MARCHF1: variants seen among roughly 807,000 people sequenced by gnomAD.
MARCHF1 encodes the protein E3 ubiquitin-protein ligase MARCHF1.
MARCHF1 carries 40 observed loss-of-function variants against 54.2 expected under a neutral mutation model. The observed-to-expected ratio is 0.74, with a 90% CI of 0.57 to 0.96. The LOEUF (loss-of-function observed/expected upper bound fraction) is 0.96, where lower values mean the gene tolerates loss of function less well. MARCHF1 is among the 40% of genes least tolerant of loss of function. MARCHF1 has a pLI of 0.00. For missense variants in MARCHF1, 586 were observed against 656.5 expected (o/e 0.89, Z 1.17); for synonymous variants, 236 against 236.3 (o/e 1.00, Z 0.01).
At chr4:163,989,286 T>TGAGAGAGAGA (rs35987221) in intron 2 of MARCHF1, among the ~76,000 whole-genome samples, 2 of 144,818 alleles carry the variant, frequency 1.4e-5, no homozygotes, top group Non-Finnish European at 3.0e-5. Context: ...AATGAGGTGT[T>TGAGAGAGAGA]GAGAGAGAGA....
At chr4:163,668,744 C>CA (rs1743627582) in intron 5 of MARCHF1, among the ~76,000 whole-genome samples, 2 of 152,196 alleles carry the variant, frequency 1.3e-5, no homozygotes, top group East Asian at 3.9e-4. Context: ...CTCCAAAAGG[C>CA]AAAACCAAAT....
Position 164,028,091 on chromosome 4 carries a change from G to A in MARCHF1, c.-247-39382C>T, listed in dbSNP as rs143176377. On this transcript the variant is annotated intron_variant, in intron 2 of 9. Coordinates refer to ENST00000514618, the MANE Select transcript of MARCHF1 (RefSeq NM_001394959.1). ...AAATAATAGATGCTGAGTAGACTAT[G>A]GAGAAAAGGGAATGCTTATGCAGTG... Among the ~76,000 whole-genome samples the A allele has an allele frequency of 7.0e-3, 1,068 of 152,254 alleles. 16 individuals are homozygous for A. The highest frequency in any genetic ancestry group is 0.024 in the African/African-American group (1,011 of 41,542).
intron 1 of MARCHF1, chr4:164,197,569 CT>C: frequency 6.2e-7 from 1 of 1,613,372 alleles, no homozygotes; most frequent in South Asian, 1.1e-5. Flanking sequence ...GTTGATTTTA[CT>C]TAAGAATTCC....
intron 3 of MARCHF1, among the ~76,000 whole-genome samples, chr4:163,921,677 T>A (rs1183553827): frequency 6.6e-6 from 1 of 152,154 alleles, no homozygotes; most frequent in Non-Finnish European, 1.5e-5. Flanking sequence ...AAAGGTGATA[T>A]CATAAAAAGA....
chr4:164,112,520 A>G (rs1755855529), intron 1 of MARCHF1, among the ~76,000 whole-genome samples: 2 of 151,950 alleles, frequency 1.3e-5, no homozygotes, highest in Admixed American at 1.3e-4. Context: ...ATACAGTAGC[A>G]CTGTAGTTGC....
At chr4:164,288,652 T>C (rs1305864805) in intron 1 of MARCHF1, among the ~76,000 whole-genome samples, 1 of 152,056 alleles carries the variant, frequency 6.6e-6, no homozygotes, top group African/African-American at 2.4e-5. Flanking sequence ...TAATAAATAA[T>C]AGATTTCCCT....
intron 2 of MARCHF1, among the ~76,000 whole-genome samples, chr4:164,012,678 A>G (rs4056331): frequency 0.98 from 148,640 of 152,202 alleles, 72,680 homozygotes; most frequent in East Asian, 1. Flanking sequence ...CCAATTTCAG[A>G]TAGCCCAGGG....
chr4:163,551,347 A>G (rs1739101770), intron 8 of MARCHF1, among the ~76,000 whole-genome samples: 4 of 152,250 alleles, frequency 2.6e-5, no homozygotes, highest in Admixed American at 2.6e-4. Context: ...CAGACTCTTA[A>G]TTATGAGGAG....
chr4:164,012,397 T>G (rs1753440709), intron 2 of MARCHF1, among the ~76,000 whole-genome samples: 1 of 152,074 alleles, frequency 6.6e-6, no homozygotes, highest in Admixed American at 6.5e-5. Context: ...AACCCCAGAT[T>G]CCAGGTCTTT....
intron 1 of MARCHF1, among the ~76,000 whole-genome samples, chr4:164,187,753 G>A (rs1331691388): frequency 2.0e-5 from 3 of 152,030 alleles, no homozygotes; most frequent in Non-Finnish European, 2.9e-5. Context: ...ATAAAGCATA[G>A]CCTTTAAAAG....
chr4:163,959,709 A>G (rs181577173), intron 3 of MARCHF1, among the ~76,000 whole-genome samples: 2 of 152,068 alleles, frequency 1.3e-5, no homozygotes, highest in African/African-American at 4.8e-5. Flanking sequence ...AAATATAAAA[A>G]CCTTGAAAGA....
At chr4:164,195,227 ATTGT>A (rs1042777757) in intron 1 of MARCHF1, among the ~76,000 whole-genome samples, 3 of 151,938 alleles carry the variant, frequency 2.0e-5, no homozygotes, top group African/African-American at 7.3e-5. Context: ...GACCTAGAAA[ATTGT>A]TTTTTTTCTT....
At chr4:163,890,377 TC>T (rs1750634810) in intron 3 of MARCHF1, among the ~76,000 whole-genome samples, 4 of 51,390 alleles carry the variant, frequency 7.8e-5, no homozygotes, top group Non-Finnish European at 2.5e-4. Flanking sequence ...TCTCTCTCTC[TC>T]TCTGTTTTTT....
intron 1 of MARCHF1, among the ~76,000 whole-genome samples, chr4:164,359,718 AT>A (rs2110920532): frequency 6.6e-6 from 1 of 152,244 alleles, no homozygotes; most frequent in African/African-American, 2.4e-5. Flanking sequence ...AACAATGTCT[AT>A]TTTTTAATGT....
At chr4:163,910,250 C>T (rs534141620) in intron 3 of MARCHF1, among the ~76,000 whole-genome samples, 1 of 152,176 alleles carries the variant, frequency 6.6e-6, no homozygotes, top group South Asian at 2.1e-4. Flanking sequence ...AGTATGATCT[C>T]TTTCATAATG....
chr4:163,602,209 G>A (rs1740995603), intron 7 of MARCHF1, among the ~76,000 whole-genome samples: 1 of 151,908 alleles, frequency 6.6e-6, no homozygotes, highest in African/African-American at 2.4e-5. Flanking sequence ...TATACAATGT[G>A]GTGTTATAAA....
chr4:164,380,413 T>A (rs938010657), intron 1 of MARCHF1, among the ~76,000 whole-genome samples: 2 of 152,214 alleles, frequency 1.3e-5, no homozygotes, highest in African/African-American at 4.8e-5. Flanking sequence ...GATATTATCA[T>A]CTTTATTTTA....
At chr4:163,798,470 A>T (rs192480900) in intron 4 of MARCHF1, among the ~76,000 whole-genome samples, 1 of 152,224 alleles carries the variant, frequency 6.6e-6, no homozygotes, top group Non-Finnish European at 1.5e-5. Flanking sequence ...TTTAAATTTG[A>T]TTCTCATTTT....
Position 164,356,122 on chromosome 4 carries a change from G to T in MARCHF1, c.-323+27748C>A, listed in dbSNP as rs923453041. Among the ~76,000 whole-genome samples the T allele has an allele frequency of 2.3e-4, 29 of 126,818 alleles. 1 individual carries two copies. The highest frequency in any genetic ancestry group is 1.1e-4 in the Non-Finnish European group (6 of 55,778). The allele number at this position is 126,818 out of a possible 152,430, so 83.2% of individuals were successfully genotyped here. ...ATTAAAAAGTCAGGAAACAACAGGT[G>T]CTGGAGAGGATGTGGAGAAATAGGA... On this transcript the variant is annotated intron_variant, in intron 1 of 9. Transcript: ENST00000514618.
Sources: allele counts gnomAD v4.1 joint callset (sites outside exome capture counted in the v4.1 genomes callset), GRCh38; gene constraint gnomAD v4.1.1; transcripts MANE v1.5; gene names NCBI Gene and HGNC (gene_info 2026-07-23, HGNC 2026-07-21).